SORCS1: variants seen among roughly 807,000 people sequenced by gnomAD.
The protein encoded by SORCS1 is VPS10 domain-containing receptor SorCS1.
SORCS1 carries 60 observed loss-of-function variants against 146.1 expected under a neutral mutation model. The observed-to-expected ratio is 0.41, with a 90% CI of 0.33 to 0.51. The LOEUF (loss-of-function observed/expected upper bound fraction) is 0.51, where lower values mean the gene tolerates loss of function less well. Ranked by LOEUF, SORCS1 falls within the 20% of genes least tolerant of loss-of-function variation. SORCS1 has a pLI of 0.21. For missense variants in SORCS1, 1,352 were observed against 1,487.6 expected, an observed-to-expected ratio of 0.91 and a Z score of 1.50; for synonymous variants, 637 against 584.0, an observed-to-expected ratio of 1.09 and a Z score of -1.31.
chr10:107,028,655 C>G (rs1236322015), intron 1 of SORCS1, among the ~76,000 whole-genome samples: 1 of 152,100 alleles, frequency 6.6e-6, no homozygotes. Flanking sequence ...TCCTCAGGAA[C>G]CCCTTCATAA....
At chr10:106,732,045 T>C (rs1416813956) in intron 5 of SORCS1, among the ~76,000 whole-genome samples, 2 of 152,182 alleles carry the variant, frequency 1.3e-5, no homozygotes, top group Non-Finnish European at 2.9e-5. Context: ...TTTTTCCAAC[T>C]CAAAGAAGCT....
At chr10:106,873,130 C>T (rs1429942660) in intron 2 of SORCS1, among the ~76,000 whole-genome samples, 4 of 152,006 alleles carry the variant, frequency 2.6e-5, no homozygotes, top group Admixed American at 6.6e-5. Flanking sequence ...GCCGAGATTG[C>T]ACCACTGCAC....
rs370905313 is a variant in SORCS1 at position 106,614,887 on chromosome 10, T to C, written c.2921-2864A>G. 1.2e-3 allele frequency among the ~76,000 whole-genome samples: 182 copies of C among 152,308 alleles called. 2 individuals carry two copies. Among genetic ancestry groups the C allele is most frequent in the African/African-American group, 4.0e-3 (168 of 41,570 alleles). On this transcript the variant is annotated intron_variant, in intron 21 of 25. Coordinates refer to ENST00000263054, the MANE Select transcript of SORCS1 (RefSeq NM_052918.5). ...GTTGAGAGAGATAAAGTCTATACAC[T>C]TGCGTATTTTTATTTACAAGCAAAC...
intron 3 of SORCS1, among the ~76,000 whole-genome samples, chr10:106,780,565 A>G (rs898961754): frequency 6.6e-6 from 1 of 152,242 alleles, no homozygotes; most frequent in African/African-American, 2.4e-5. Context: ...GAATGAATAA[A>G]TGAATGAGTC....
chr10:106,695,131 G>A lies in SORCS1; in HGVS notation c.1413+4083C>T, dbSNP rs80014503. On this transcript the variant is annotated intron_variant, in intron 9 of 25. Coordinates refer to ENST00000263054, the MANE Select transcript of SORCS1 (RefSeq NM_052918.5). ...ACCATTCATTCTATTCAGGTGTGAT[G>A]GAGTTTTAGGACACTTGTTTCCAGG... is the stretch of plus-strand genomic sequence containing the variant. Among the ~76,000 whole-genome samples, 1,284 of 152,202 alleles carry A rather than the reference G, an allele frequency of 8.4e-3. 20 individuals carry two copies. The highest frequency in any genetic ancestry group is 0.029 in the African/African-American group (1,221 of 41,526).
intron 10 of SORCS1, among the ~76,000 whole-genome samples, chr10:106,681,953 C>A (rs950813559): frequency 2.0e-5 from 3 of 152,030 alleles, no homozygotes; most frequent in Admixed American, 1.3e-4. Context: ...CATGGTGAAA[C>A]CCTGTCTCTA....
chr10:107,118,383 T>C (rs1966177237), intron 1 of SORCS1, among the ~76,000 whole-genome samples: 1 of 152,226 alleles, frequency 6.6e-6, no homozygotes, highest in South Asian at 2.1e-4. Context: ...AGACAATGTG[T>C]TTATTTTTTC....
intron 1 of SORCS1, among the ~76,000 whole-genome samples, chr10:107,010,943 C>T (rs895900097): frequency 1.3e-5 from 2 of 152,110 alleles, no homozygotes; most frequent in African/African-American, 4.8e-5. Context: ...CATGCTCCAC[C>T]AGAAAATGCA....
At chr10:106,588,642 A>G (rs11819210) in intron 24 of SORCS1, among the ~76,000 whole-genome samples, 1 of 151,964 alleles carries the variant, frequency 6.6e-6, no homozygotes, top group Non-Finnish European at 1.5e-5. Flanking sequence ...TGGGCAGATC[A>G]CGAGGTCAGG....
At chr10:106,804,338 GAAAATAAAATAAAATAAAAT>G (rs374338257) in intron 3 of SORCS1, among the ~76,000 whole-genome samples, 37 of 138,348 alleles carry the variant, frequency 2.7e-4, no homozygotes, top group Non-Finnish European at 4.6e-4. Context: ...TTTCCGAAGA[GAAAATAAAATAAAATAAAAT>G]AAAATAAAAT....
intron 2 of SORCS1, among the ~76,000 whole-genome samples, chr10:106,873,664 T>A (rs968631586): frequency 1.5e-4 from 23 of 152,232 alleles, no homozygotes; most frequent in African/African-American, 4.6e-4. Flanking sequence ...TTTTTCAAAC[T>A]ATATTTCTCT....
chr10:107,049,122 T>C (rs1286992283), intron 1 of SORCS1, among the ~76,000 whole-genome samples: 1 of 151,316 alleles, frequency 6.6e-6, no homozygotes, highest in Non-Finnish European at 1.5e-5. Context: ...TGTAGGGACA[T>C]GGATGAAATT....
intron 3 of SORCS1, among the ~76,000 whole-genome samples, chr10:106,790,295 T>A (rs139588086): frequency 6.6e-6 from 1 of 152,160 alleles, no homozygotes; most frequent in African/African-American, 2.4e-5. Context: ...TAGGTCCTGA[T>A]GCTCACCACA....
intron 1 of SORCS1, among the ~76,000 whole-genome samples, chr10:107,015,130 A>G (rs1957846133): frequency 6.6e-6 from 1 of 152,176 alleles, no homozygotes; most frequent in East Asian, 1.9e-4. Flanking sequence ...ATTACGCTTA[A>G]CCCTATGATT....
intron 2 of SORCS1, among the ~76,000 whole-genome samples, chr10:106,902,993 G>A (rs948724363): frequency 8.5e-5 from 13 of 152,302 alleles, no homozygotes; most frequent in African/African-American, 1.4e-4. Flanking sequence ...TAGGAGAATC[G>A]CTTGAACTCA....
chr10:106,975,522 A>G (rs575131314), intron 1 of SORCS1, among the ~76,000 whole-genome samples: 2 of 152,360 alleles, frequency 1.3e-5, no homozygotes, highest in South Asian at 4.1e-4. Context: ...AAGGTTTACT[A>G]TGTTCAAGGA....
intron 23 of SORCS1, 126 bp from the exon 24 acceptor site, chr10:106,597,576 G>A: frequency 3.0e-6 from 2 of 661,972 alleles, no homozygotes; most frequent in Non-Finnish European, 5.1e-6. Context: ...TATAAATAAG[G>A]TTTATATGAT....
At chr10:106,918,434 A>T (rs1454682532) in intron 2 of SORCS1, among the ~76,000 whole-genome samples, 1 of 152,172 alleles carries the variant, frequency 6.6e-6, no homozygotes, top group Non-Finnish European at 1.5e-5. Flanking sequence ...AATTGCTGGG[A>T]TTACAGGCAT....
intron 5 of SORCS1, among the ~76,000 whole-genome samples, chr10:106,755,435 A>G (rs1858562146): frequency 6.6e-6 from 1 of 152,204 alleles, no homozygotes; most frequent in Non-Finnish European, 1.5e-5. Context: ...ATCAAATAGC[A>G]TGATTATCAT....
Sources: gnomAD v4.1 joint callset for allele counts (sites outside exome capture counted in the v4.1 genomes callset) on GRCh38, gnomAD v4.1.1 for gene constraint, MANE v1.5 for transcripts, NCBI Gene and HGNC (gene_info 2026-07-23, HGNC 2026-07-21) for gene names.